Variants in RCOR2 observed in about 807,000 individuals in gnomAD.
RCOR2 encodes the protein REST corepressor 2.
RCOR2 carries 19 observed loss-of-function variants against 58.9 expected under a neutral mutation model. The ratio of observed to expected loss-of-function variants is 0.32; its 90% confidence interval spans 0.23 to 0.47. The LOEUF (loss-of-function observed/expected upper bound fraction) is 0.47, where lower values mean the gene tolerates loss of function less well. RCOR2 is among the 20% of genes least tolerant of loss of function. RCOR2 has a pLI of 1.00. For missense variants in RCOR2, 590 were observed against 707.9 expected (o/e 0.83, Z 1.89); for synonymous variants, 286 against 278.7 (o/e 1.03, Z -0.26).
chr11:63,913,569 G>A (rs1460424515), intron 8 of RCOR2, among the ~76,000 whole-genome samples: 3 of 148,978 alleles, frequency 2.0e-5, no homozygotes, highest in Non-Finnish European at 3.0e-5. Context: ...TGCAACCTCC[G>A]CCTCCCAAGT....
chr11:63,926,593 T>C, the RCOR2 span, among the ~76,000 whole-genome samples: 1 of 151,404 alleles, frequency 6.6e-6, no homozygotes, highest in East Asian at 2.0e-4. Flanking sequence ...TTCAAGCAAT[T>C]CTCCGCCTCA....
the RCOR2 span, among the ~76,000 whole-genome samples, chr11:63,924,861 T>TTTTTC: frequency 6.6e-6 from 1 of 151,196 alleles, no homozygotes; most frequent in African/African-American, 2.4e-5. Context: ...GGTGATTTTT[T>TTTTTC]TTTTTTGAGA....
chr11:63,914,629 G>C (rs777693348), intron 5 of RCOR2, 26 bp downstream of exon 5: 2 of 1,603,820 alleles, frequency 1.2e-6, no homozygotes, highest in Admixed American at 1.7e-5. Flanking sequence ...GAGGAGCGCC[G>C]GGGAGTGGGG....
chr11:63,913,946 G>A lies in RCOR2; in HGVS notation c.891+8C>T. The stretch of plus-strand genomic sequence containing the variant: ...TTTGCATAGCCCGTTCATTTCCCAG[G>A]GCCCCACCTGGCGCTTGAGGGAGAT... On this transcript the variant is annotated splice_region_variant and intron_variant, in intron 8 of 11. Transcript: ENST00000301459. 7 of 1,613,002 alleles carry A rather than the reference G, an allele frequency of 4.3e-6. No individual in the cohort carries two copies. Among genetic ancestry groups the A allele is most frequent in the Non-Finnish European group, 5.9e-6 (7 of 1,179,564 alleles).
rs1225632836 is a variant in RCOR2 at position 63,912,750 on chromosome 11, AACATATCCTTTAG to A, written c.970-30_970-18del. On this transcript the variant is annotated intron_variant, in intron 9 of 11. Transcript: ENST00000301459. ...GGTGTTGGCCTGGAAAGCAAGGAAC[AACATATCCTTTAG>A]ACTCAAAACCATGCAAATGGAAGCC... 5.0e-6 allele frequency: 8 copies of A among 1,613,724 alleles called. No homozygotes were observed. In the South Asian group the frequency reaches 7.7e-5, roughly 16 times the overall value.
At position 63,912,459 on chromosome 11, in the gene RCOR2, G is replaced by A; in HGVS notation, c.1103C>T (p.Thr368Ile). Residue 368 changes from threonine to isoleucine, a missense_variant, in exon 11 of 12, where the codon ACT becomes ATT. Physicochemically the swap from Thr to Ile is moderately conservative, Grantham distance 89 (BLOSUM62 -1). Transcript: ENST00000301459. ...GCGGCGCCGGTAGCTCACAAAGAAA[G>A]TCTTCACCTGGGTCAGAGTCTTGTT... ...IGNKTLTQVKTFFVSYRRRFN... is the reference protein window; with the variant it reads ...IGNKTLTQVKIFFVSYRRRFN... The A allele has an allele frequency of 1.2e-6, 2 of 1,613,980 alleles. No individual in the cohort carries two copies. The highest frequency in any genetic ancestry group is 1.7e-6 in the Non-Finnish European group (2 of 1,180,006).
At position 63,912,351 on chromosome 11, in the gene RCOR2, C is replaced by G. The variant is rs1341996927; in HGVS notation, c.1211G>C (p.Arg404Thr). ...PGAPVPMEEA[R>T]RGAPLPAPAL... ...TGGGGCTGGCAATGGAGCCCCTCTCCTAGCCTCCTCCATGGGGACTGGGGC... is the reference window on the plus strand; with the variant it reads ...TGGGGCTGGCAATGGAGCCCCTCTCGTAGCCTCCTCCATGGGGACTGGGGC... The change falls in exon 11 of 12, where the codon AGG (arginine) becomes ACG (threonine). Residue 404 changes from arginine to threonine, a missense_variant. Physicochemically the swap from Arg to Thr is moderately conservative, Grantham distance 71 (BLOSUM62 -1). Around this residue, in one of 3 missense-constraint regions of RCOR2, gnomAD observed 196 missense variants for 210.7 expected, o/e 0.93. Transcript: ENST00000301459. 2 of 1,613,614 alleles carry G rather than the reference C, an allele frequency of 1.2e-6. No individual in the cohort carries two copies. The highest frequency in any genetic ancestry group is 3.3e-5 in the Admixed American group (2 of 60,008).
In RCOR2 at chr11:63,911,918, G is replaced by T. The variant is rs992833469; in HGVS notation, c.1519C>A (p.Pro507Thr). Residue 507 changes from proline to threonine, a missense_variant, in exon 12 of 12, where the codon CCC becomes ACC. Physicochemically the swap from Pro to Thr is conservative, Grantham distance 38. Around this residue, in one of 3 missense-constraint regions of RCOR2, gnomAD observed 196 missense variants for 210.7 expected, o/e 0.93. Transcript: ENST00000301459. ...PRHSARPGPQ[P>T]PPTLIGTPLE... is the part of the protein sequence containing the mutation. Reference sequence around the variant, plus strand: ...GGGGTTCCAATCAGGGTGGGTGGGGGCTGAGGGCCAGGGCGGGCGCTGTGG... The same window carrying T: ...GGGGTTCCAATCAGGGTGGGTGGGGTCTGAGGGCCAGGGCGGGCGCTGTGG... 9 of 1,284,892 alleles carry T rather than the reference G, an allele frequency of 7.0e-6. No individual in the cohort carries two copies. In the African/African-American group the frequency reaches 9.2e-5, roughly 13 times the overall value. The allele number at this position is 1,284,892 out of a possible 1,614,324, so 79.6% of individuals were successfully genotyped here.
At chr11:63,922,221 A>G in the RCOR2 span, among the ~76,000 whole-genome samples, 1 of 152,214 alleles carries the variant, frequency 6.6e-6, no homozygotes, top group Non-Finnish European at 1.5e-5. Flanking sequence ...AGTCTCAGGT[A>G]TTCTGTTACA....
In RCOR2 at chr11:63,911,994, G is replaced by A. The variant is rs1470238147; in HGVS notation, c.1443C>T (p.Ala481=). Residue 481 remains alanine (A), a synonymous_variant, in exon 12 of 12, where the codon GCC becomes GCT. Coordinates refer to ENST00000301459, the MANE Select transcript of RCOR2 (RefSeq NM_173587.4). The part of the protein sequence containing the change: ...QQGRFLQPRL[A]PNQPPPPLIR... ...TGAGAGGCGGTGGGGGCTGGTTGGGGGCCAGCCGGGGCTGGAGGAAGCGGC... is the reference window on the plus strand; with the variant it reads ...TGAGAGGCGGTGGGGGCTGGTTGGGAGCCAGCCGGGGCTGGAGGAAGCGGC... 3 of 1,398,644 alleles carry A rather than the reference G, an allele frequency of 2.1e-6. No individual in the cohort carries two copies. Among genetic ancestry groups the A allele is most frequent in the Non-Finnish European group, 2.8e-6 (3 of 1,061,786 alleles). 86.6% of individuals were successfully genotyped at this position (1,398,644 alleles called of 1,614,324 possible).
intron 10 of RCOR2, 65 bp downstream of exon 10, chr11:63,912,611 C>T (rs1212431230): frequency 3.1e-6 from 5 of 1,592,100 alleles, no homozygotes; most frequent in Non-Finnish European, 4.3e-6. Flanking sequence ...CTCTGCCCCC[C>T]CACTCCTTGG....
At chr11:63,913,926 AT>A (rs1941816542) in intron 8 of RCOR2, 27 bp downstream of exon 8, 1 of 1,607,478 alleles carries the variant, frequency 6.2e-7, no homozygotes, top group African/African-American at 1.3e-5. Flanking sequence ...CCACCTTTGC[AT>A]AGCCCGTTCA....
intron 1 of RCOR2, 39 bp from the exon 2 acceptor site, chr11:63,915,650 G>C: frequency 7.4e-7 from 1 of 1,351,772 alleles, no homozygotes; most frequent in South Asian, 1.3e-5. Context: ...CTCCAGGGAG[G>C]GCGGGCGGGA....
At position 63,915,552 on chromosome 11, in the gene RCOR2, C is replaced by A; in HGVS notation, c.184+3G>T. ...CCACTTCACAGCCTGTCCTGCGGCT[C>A]ACCAGGCTTGCACTCCGGAATTACG... On this transcript the variant is annotated splice_donor_region_variant and intron_variant, in intron 2 of 11. Transcript: ENST00000301459. The A allele has an allele frequency of 6.4e-7, 1 of 1,558,778 alleles. No homozygotes were observed. The highest frequency in any genetic ancestry group is 8.7e-7 in the Non-Finnish European group (1 of 1,150,508).
At position 63,912,927 on chromosome 11, in the gene RCOR2, C is replaced by T. The variant is rs1268981788; in HGVS notation, c.912G>A (p.Thr304=). Reference sequence around the variant, plus strand: ...CCAGGGCTTGGCGCAGGCTGCTGTTCGTCTGCTTCATGCTCTGTACCTGGG... The same window carrying T: ...CCAGGGCTTGGCGCAGGCTGCTGTTTGTCTGCTTCATGCTCTGTACCTGGG... ...LKRQVQSMKQ[T]NSSLRQALEG... is the part of the protein sequence containing the mutation. Residue 304 remains threonine (T), a synonymous_variant, in exon 9 of 12, where the codon ACG becomes ACA. Transcript: ENST00000301459. 2.5e-6 allele frequency: 4 copies of T among 1,613,318 alleles called. No individual in the cohort carries two copies. The highest frequency in any genetic ancestry group is 2.2e-5 in the East Asian group (1 of 44,866).
chr11:63,913,209 G>T, intron 8 of RCOR2, among the ~76,000 whole-genome samples: 1 of 104,302 alleles, frequency 9.6e-6, no homozygotes, highest in African/African-American at 4.1e-5. Context: ...TTTTTGAGAA[G>T]GAGTTTTATT....
At position 63,915,576 on chromosome 11, in the gene RCOR2, C is replaced by T. The variant is rs143904903; in HGVS notation, c.163G>A (p.Val55Ile). Reference sequence around the variant, plus strand: ...TCACCAGGCTTGCACTCCGGAATTACGGCCTGGTAATTGGTTCCAACGCGG... The same window carrying T: ...TCACCAGGCTTGCACTCCGGAATTATGGCCTGGTAATTGGTTCCAACGCGG... ...MIRVGTNYQA[V>I]IPECKPESPA... Residue 55 changes from valine (V) to isoleucine (I), a missense_variant, in exon 2 of 12, where the codon GTA (valine) becomes ATA (isoleucine). Val to Ile is a conservative substitution (Grantham distance 29, BLOSUM62 3). Transcript: ENST00000301459. 2.3e-4 allele frequency: 348 copies of T among 1,498,522 alleles called. No individual in the cohort carries two copies. The Middle Eastern group carries it at 3.5e-3, about 15-fold the overall frequency. The allele number at this position is 1,498,522 out of a possible 1,614,324, so 92.8% of individuals were successfully genotyped here. A position where few individuals can be genotyped will look rare whatever the true frequency, so the allele number is the denominator to read the frequency against.
chr11:63,923,733 C>T, the RCOR2 span, among the ~76,000 whole-genome samples: 1 of 152,098 alleles, frequency 6.6e-6, no homozygotes, highest in African/African-American at 2.4e-5. Flanking sequence ...GTGGATAGCC[C>T]CCTCCTTCCC....
chr11:63,915,148 C>T (rs1474130619), intron 3 of RCOR2, 30 bp downstream of exon 3: 4 of 1,542,906 alleles, frequency 2.6e-6, no homozygotes, highest in Non-Finnish European at 3.5e-6. Flanking sequence ...GAACCCAAGC[C>T]CCCACCTCCC....
Sources: gnomAD v4.1 joint callset for allele counts (sites outside exome capture counted in the v4.1 genomes callset) on GRCh38, gnomAD v4.1.1 for gene constraint, gnomAD v4.1.1 regional missense constraint, MANE v1.5 for transcripts, NCBI Gene and HGNC (gene_info 2026-07-23, HGNC 2026-07-21) for gene names.